Variants in SDC4 observed in about 807,000 individuals in gnomAD.
SDC4 encodes syndecan-4.
Under a neutral mutation model 20.5 loss-of-function variants are expected in SDC4, and 17 were observed. The observed-to-expected ratio is 0.83, with a 90% confidence interval of 0.57 to 1.25. The LOEUF (loss-of-function observed/expected upper bound fraction) is 1.25. SDC4 is among the 50% of genes most tolerant of loss of function. The pLI is 0.00. For synonymous variants in SDC4, 107 were observed against 105.3 expected, an observed-to-expected ratio of 1.02 and a Z score of -0.10; for missense variants, 241 against 252.3, an observed-to-expected ratio of 0.96 and a Z score of 0.30.
chr20:45,338,393 AAG>A (rs1023315502), intron 1 of SDC4, among the ~76,000 whole-genome samples: 7 of 152,276 alleles, frequency 4.6e-5, no homozygotes, highest in Admixed American at 4.6e-4. Context: ...GGGAGAAAGA[AAG>A]AATGGTACAC....
rs537727286 is a variant in SDC4, at chr20:45,325,492, G to A, written c.*1772C>T. The A allele has an allele frequency of 6.6e-6, 1 of 152,640 alleles. No individual in the cohort carries two copies. The highest frequency in any genetic ancestry group is 1.5e-5 in the Non-Finnish European group (1 of 68,064). 9.5% of individuals were successfully genotyped at this position (152,640 alleles called of 1,614,324 possible). On this transcript the variant is annotated 3_prime_UTR_variant, in exon 5 of 5. Transcript: ENST00000372733. ...GCCACTGGTGCAGCAAGGGAGGGTG[G>A]TTCCCCTCACCGCAGCCACTGGGGT...
chr20:45,340,690 G>A (rs1486517356), intron 1 of SDC4, among the ~76,000 whole-genome samples: 2 of 152,256 alleles, frequency 1.3e-5, no homozygotes, highest in Non-Finnish European at 2.9e-5. Context: ...CTCCCCAGGG[G>A]AGGTAGGGTC....
In SDC4 at chr20:45,327,402, A is replaced by G. The variant is rs1403720425; in HGVS notation, c.459T>C (p.Gly153=). 3 of 1,613,982 alleles carry G rather than the reference A, an allele frequency of 1.9e-6. No individual in the cohort carries two copies. The Admixed American group carries it at 5.0e-5, about 27-fold the overall frequency. ...RTEVLAALIV[G]GIVGILFAVF... The stretch of plus-strand genomic sequence containing the variant: ...CGGCAAAGAGGATGCCCACGATGCC[A>G]CCCACAATCAGAGCTGGAGAGGAGG... The change falls in exon 5 of 5, where the codon GGT becomes GGC. Residue 153 remains glycine (G), a synonymous_variant. Transcript: ENST00000372733.
chr20:45,329,989 G>A (rs1376901426), intron 4 of SDC4, among the ~76,000 whole-genome samples: 2 of 152,184 alleles, frequency 1.3e-5, no homozygotes, highest in African/African-American at 4.8e-5. Flanking sequence ...AGGGGGAGGG[G>A]AAGCTAACCC....
intron 4 of SDC4, among the ~76,000 whole-genome samples, chr20:45,327,705 G>A (rs921581943): frequency 6.6e-6 from 1 of 152,154 alleles, no homozygotes; most frequent in Non-Finnish European, 1.5e-5. Flanking sequence ...GTGCAGTGGC[G>A]TGATCTCGGC....
intron 1 of SDC4, among the ~76,000 whole-genome samples, chr20:45,342,788 CT>C (rs1484094789): frequency 6.6e-6 from 1 of 152,154 alleles, no homozygotes; most frequent in Non-Finnish European, 1.5e-5. Flanking sequence ...CTGCAGCCCC[CT>C]GAAAAGGATA....
In SDC4 at chr20:45,327,501, C is replaced by A. The variant is rs56804363; in HGVS notation, c.446-86G>T. On this transcript the variant is annotated intron_variant, in intron 4 of 4. Coordinates refer to ENST00000372733, the MANE Select transcript of SDC4 (RefSeq NM_002999.4). ...ACCCCTCTTTCCCCCACTGTCAGTT[C>A]TCTTACAACCAGACATCCTCACCAT... 6 of 1,415,314 alleles carry A rather than the reference C, an allele frequency of 4.2e-6. No homozygotes were observed. The East Asian group carries it at 9.8e-5, about 23-fold the overall frequency. 87.7% of individuals were successfully genotyped at this position (1,415,314 alleles called of 1,614,324 possible).
intron 3 of SDC4, among the ~76,000 whole-genome samples, chr20:45,331,539 G>A (rs1423609345): frequency 6.6e-6 from 1 of 152,168 alleles, no homozygotes; most frequent in African/African-American, 2.4e-5. Flanking sequence ...AACAGAATGA[G>A]ATAGGAGGTC....
At chr20:45,343,324 T>C (rs1308456382) in intron 1 of SDC4, among the ~76,000 whole-genome samples, 1 of 152,146 alleles carries the variant, frequency 6.6e-6, no homozygotes, top group Non-Finnish European at 1.5e-5. Context: ...ACCTTTTCTG[T>C]CCACCAACAC....
intron 1 of SDC4, among the ~76,000 whole-genome samples, chr20:45,339,233 T>C (rs1357126466): frequency 6.6e-6 from 1 of 152,204 alleles, no homozygotes; most frequent in East Asian, 1.9e-4. Flanking sequence ...CCATTGAGTC[T>C]GGGGTGACTT....
intron 1 of SDC4, among the ~76,000 whole-genome samples, chr20:45,339,613 G>A (rs1987925452): frequency 6.6e-6 from 1 of 152,216 alleles, no homozygotes; most frequent in Non-Finnish European, 1.5e-5. Flanking sequence ...GGTTGTGCAC[G>A]CCTGTGGTCC....
intron 1 of SDC4, among the ~76,000 whole-genome samples, chr20:45,344,932 C>A (rs200476711): frequency 1.3e-5 from 2 of 152,178 alleles, no homozygotes; most frequent in East Asian, 3.9e-4. Flanking sequence ...ATTTCCTCAT[C>A]TGGAATATTC....
chr20:45,326,145 ATATAT>A lies in SDC4; in HGVS notation c.*1114_*1118del, dbSNP rs1253676741. ...TTTCTAGAACCAAGGAAGAATAATA[ATATAT>A]TATAAGAACACAGACACAAATATCC... On this transcript the variant is annotated 3_prime_UTR_variant, in exon 5 of 5. Transcript: ENST00000372733. 1.3e-5 allele frequency: 2 copies of A among 151,860 alleles called. No homozygotes were observed. The highest frequency in any genetic ancestry group is 2.9e-5 in the Non-Finnish European group (2 of 67,894). 9.4% of individuals were successfully genotyped at this position (151,860 alleles called of 1,614,324 possible). A position where few individuals can be genotyped will look rare whatever the true frequency, so the allele number is the denominator to read the frequency against.
chr20:45,336,523 C>G (rs1480162682), intron 1 of SDC4, among the ~76,000 whole-genome samples: 1 of 152,200 alleles, frequency 6.6e-6, no homozygotes, highest in Non-Finnish European at 1.5e-5. Context: ...ACTCTGGAGG[C>G]ATGTTATTCA....
At chr20:45,347,468 G>A (rs755691466) in intron 1 of SDC4, among the ~76,000 whole-genome samples, 5 of 152,092 alleles carry the variant, frequency 3.3e-5, no homozygotes, top group Non-Finnish European at 7.4e-5. Context: ...CAGCTATGAC[G>A]GAGGCCAGTG....
chr20:45,327,054 T>C lies in SDC4; in HGVS notation c.*210A>G. On this transcript the variant is annotated 3_prime_UTR_variant, in exon 5 of 5. Coordinates refer to ENST00000372733, the MANE Select transcript of SDC4 (RefSeq NM_002999.4). Reference sequence around the variant, plus strand: ...CAGAAAGGCCAAGTTGAATCCATTTTTCTGCCAGGGCAACTGAGGCCCAAA... The same window carrying C: ...CAGAAAGGCCAAGTTGAATCCATTTCTCTGCCAGGGCAACTGAGGCCCAAA... The C allele has an allele frequency of 1.9e-6, 1 of 516,718 alleles. No homozygotes were observed. The allele number at this position is 516,718 out of a possible 1,614,324, so 32.0% of individuals were successfully genotyped here.
chr20:45,345,019 G>A (rs1988010560), intron 1 of SDC4: 1 of 152,168 alleles, frequency 6.6e-6, no homozygotes, highest in African/African-American at 2.4e-5. Flanking sequence ...GCATTGTTCC[G>A]AGCATCAATT....
chr20:45,334,899 C>G (rs980885249), intron 2 of SDC4, among the ~76,000 whole-genome samples: 3 of 152,156 alleles, frequency 2.0e-5, no homozygotes, highest in Admixed American at 6.5e-5. Flanking sequence ...CTTTATTATT[C>G]CCATTTTACA....
chr20:45,328,071 T>C (rs1294594438), intron 4 of SDC4, among the ~76,000 whole-genome samples: 1 of 152,262 alleles, frequency 6.6e-6, no homozygotes, highest in Non-Finnish European at 1.5e-5. Context: ...GAAATCCCTG[T>C]AGACATATTT....
Sources: gnomAD v4.1 joint callset for allele counts (sites outside exome capture counted in the v4.1 genomes callset) on GRCh38, gnomAD v4.1.1 for gene constraint, MANE v1.5 for transcripts, NCBI Gene and HGNC (gene_info 2026-07-23, HGNC 2026-07-21) for gene names.